ADAM23: variants seen among roughly 807,000 people sequenced by gnomAD.
ADAM23 encodes disintegrin and metalloproteinase domain-containing protein 23.
A neutral mutation model predicts 120.1 loss-of-function variants in ADAM23; 33 were observed. That is an observed-to-expected ratio of 0.27 (90% confidence interval 0.21 to 0.37). The LOEUF is 0.37. Among genes scored for constraint, ADAM23 ranks in the 10% least tolerant of loss-of-function variants. ADAM23 has a pLI of 1.00. For missense variants in ADAM23, 862 were observed against 1,058.2 expected, an observed-to-expected ratio of 0.81 and a Z score of 2.57; for synonymous variants, 367 against 375.2, an observed-to-expected ratio of 0.98 and a Z score of 0.25.
intron 3 of ADAM23, among the ~76,000 whole-genome samples, chr2:206,499,471 C>T (rs554151615): frequency 7.4e-5 from 10 of 135,426 alleles, no homozygotes; most frequent in African/African-American, 2.3e-4. Flanking sequence ...GGAAGAGGAA[C>T]ATCACACACC....
At chr2:206,469,606 TATC>T (rs1195976182) in intron 2 of ADAM23, among the ~76,000 whole-genome samples, 1 of 152,242 alleles carries the variant, frequency 6.6e-6, no homozygotes, top group African/African-American at 2.4e-5. Flanking sequence ...AACCTGATCA[TATC>T]ATTCCTCACT....
chr2:206,526,197 C>T (rs1034571690), intron 3 of ADAM23, among the ~76,000 whole-genome samples: 4 of 151,386 alleles, frequency 2.6e-5, no homozygotes, highest in East Asian at 1.9e-4. Context: ...CACAGACACA[C>T]GTCTATACAC....
intron 4 of ADAM23, among the ~76,000 whole-genome samples, chr2:206,531,478 G>A (rs1436683426): frequency 6.6e-6 from 1 of 152,188 alleles, no homozygotes; most frequent in Non-Finnish European, 1.5e-5. Flanking sequence ...TTAAGGCCAC[G>A]GGACATTGAA....
At chr2:206,529,442 A>G (rs1224938326) in intron 3 of ADAM23, among the ~76,000 whole-genome samples, 1 of 152,132 alleles carries the variant, frequency 6.6e-6, no homozygotes, top group Non-Finnish European at 1.5e-5. Flanking sequence ...TCTGTCACCC[A>G]GGCTAGAGTG....
chr2:206,547,533 T>C (rs1203671981), intron 7 of ADAM23, 32 bp downstream of exon 7: 2 of 1,556,228 alleles, frequency 1.3e-6, no homozygotes, highest in South Asian at 2.3e-5. Context: ...CGATTATATT[T>C]TATGTAGTAT....
intron 21 of ADAM23, among the ~76,000 whole-genome samples, chr2:206,591,154 A>C (rs569484371): frequency 6.6e-6 from 1 of 152,294 alleles, no homozygotes; most frequent in Non-Finnish European, 1.5e-5. Flanking sequence ...CAACATAGTG[A>C]GTCCTCATCT....
intron 19 of ADAM23, 114 bp downstream of exon 19, chr2:206,587,489 TTA>T: frequency 1.3e-6 from 1 of 747,518 alleles, no homozygotes; most frequent in African/African-American, 1.8e-5. Flanking sequence ...CTCAAGTAAA[TTA>T]TTATAGTGGG....
At chr2:206,599,394 T>C (rs2105855514) in intron 24 of ADAM23, among the ~76,000 whole-genome samples, 1 of 152,288 alleles carries the variant, frequency 6.6e-6, no homozygotes, top group South Asian at 2.1e-4. Flanking sequence ...ATAAATGACC[T>C]AGTTATTTTT....
intron 24 of ADAM23, among the ~76,000 whole-genome samples, chr2:206,609,029 A>G (rs77026520): frequency 0.011 from 1,744 of 152,310 alleles, 16 homozygotes; most frequent in Middle Eastern, 0.041. Context: ...AACGTTGCTT[A>G]GATTTTAAAA....
At chr2:206,611,856 A>G (rs967562623) in intron 25 of ADAM23, among the ~76,000 whole-genome samples, 1 of 152,202 alleles carries the variant, frequency 6.6e-6, no homozygotes, top group African/African-American at 2.4e-5. Flanking sequence ...AGATCTCGTT[A>G]TCACAAGAAC....
intron 2 of ADAM23, among the ~76,000 whole-genome samples, chr2:206,477,905 T>TATATAC (rs1260918123): frequency 7.2e-5 from 10 of 138,194 alleles, no homozygotes; most frequent in African/African-American, 1.1e-4. Context: ...AAAATATATA[T>TATATAC]ATATATATAT....
intron 2 of ADAM23, among the ~76,000 whole-genome samples, chr2:206,460,183 G>T (rs1695386815): frequency 6.6e-6 from 1 of 151,710 alleles, no homozygotes; most frequent in South Asian, 2.1e-4. Flanking sequence ...GTTATAGTTG[G>T]TTGGCAGGAA....
chr2:206,581,438 G>C (rs1574547235), intron 18 of ADAM23, among the ~76,000 whole-genome samples: 1 of 152,124 alleles, frequency 6.6e-6, no homozygotes, highest in East Asian at 1.9e-4. Flanking sequence ...TTGTCATTCA[G>C]TTCGAAGAAT....
At chr2:206,577,402 TCCCTCCC>T (rs1047684947) in intron 18 of ADAM23, among the ~76,000 whole-genome samples, 1 of 116,420 alleles carries the variant, frequency 8.6e-6, no homozygotes, top group African/African-American at 3.3e-5. Flanking sequence ...CCCAATGCTA[TCCCTCCC>T]CCCTCCCCCC....
intron 2 of ADAM23, among the ~76,000 whole-genome samples, chr2:206,467,091 G>A (rs1031263150): frequency 2.0e-5 from 3 of 152,166 alleles, no homozygotes; most frequent in Non-Finnish European, 2.9e-5. Context: ...CTCCAACACT[G>A]GGTATTATAA....
intron 3 of ADAM23, among the ~76,000 whole-genome samples, chr2:206,486,387 T>C (rs1696013953): frequency 6.6e-6 from 1 of 152,076 alleles, no homozygotes. Flanking sequence ...TTTTTTATTT[T>C]GATTTTTATT....
chr2:206,595,728 G>T (rs1048178846), intron 23 of ADAM23, among the ~76,000 whole-genome samples: 1 of 151,988 alleles, frequency 6.6e-6, no homozygotes, highest in Admixed American at 6.6e-5. Flanking sequence ...TCAGACATTT[G>T]TATACTTATG....
chr2:206,540,250 C>G (rs928873492), intron 4 of ADAM23, among the ~76,000 whole-genome samples: 2 of 147,764 alleles, frequency 1.4e-5, no homozygotes, highest in Admixed American at 1.4e-4. Context: ...CACACACACA[C>G]ACACACACAC....
rs766975539 is a variant in ADAM23 at position 206,445,457 on chromosome 2, A to T, written c.365A>T (p.Asn122Ile). The T allele has an allele frequency of 6.2e-7, 1 of 1,614,054 alleles. No homozygotes were observed. Among genetic ancestry groups the T allele is most frequent in the African/African-American group, 1.3e-5 (1 of 74,934 alleles). Residue 122 changes from asparagine (N) to isoleucine (I), a missense_variant, in exon 2 of 26, where the codon AAC (asparagine) becomes ATC (isoleucine). By Grantham distance (149) the Asn-to-Ile change is moderately radical. This residue lies in a region of ADAM23 where 225 missense variants were observed against 204.0 expected (regional missense o/e 1.10). Coordinates refer to ENST00000264377, the MANE Select transcript of ADAM23 (RefSeq NM_003812.4). ...TLPSRLIYYI[N>I]QDSESPYHVL... The stretch of plus-strand genomic sequence containing the variant: ...CCTTCAAGACTCATATATTACATCA[A>T]CCAAGACTCGGAAAGCCCTTATCAC...
Sources: gnomAD v4.1 joint callset for allele counts (sites outside exome capture counted in the v4.1 genomes callset) on GRCh38, gnomAD v4.1.1 for gene constraint, gnomAD v4.1.1 regional missense constraint, MANE v1.5 for transcripts, NCBI Gene and HGNC (gene_info 2026-07-23, HGNC 2026-07-21) for gene names.